ZNF124: variants seen among roughly 807,000 people sequenced by gnomAD.
ZNF124 encodes zinc finger protein HZF-16.
Under a neutral mutation model 26.6 loss-of-function variants are expected in ZNF124, and 25 were observed. The ratio of observed to expected loss-of-function variants is 0.94; its 90% CI spans 0.68 to 1.31. The LOEUF (loss-of-function observed/expected upper bound fraction) is 1.31, where lower values mean the gene tolerates loss of function less well. ZNF124 is among the 40% of genes most tolerant of loss of function. The probability of loss-of-function intolerance (pLI) is 0.00; values close to 1 mark genes in which losing one functional copy is unlikely to be tolerated. For synonymous variants in ZNF124, 129 were observed against 133.3 expected, an observed-to-expected ratio of 0.97 and a Z score of 0.22; for missense variants, 444 against 422.2, an observed-to-expected ratio of 1.05 and a Z score of -0.45.
At chr1:247,143,591 T>C (rs1672684099) in intron 3 of ZNF124, among the ~76,000 whole-genome samples, 1 of 152,176 alleles carries the variant, frequency 6.6e-6, no homozygotes, top group Non-Finnish European at 1.5e-5. Flanking sequence ...TCCACCAGCT[T>C]CTCTAGAAGT....
chr1:247,128,051 C>T (rs61854860), intron 3 of ZNF124, among the ~76,000 whole-genome samples: 7,383 of 152,246 alleles, frequency 0.048, 275 homozygotes, highest in Middle Eastern at 0.12. Flanking sequence ...CAGTAAAATT[C>T]TGAATTTCCA....
At chr1:247,152,397 AAAAAG>A (rs1672972032), downstream of ZNF124, among the ~76,000 whole-genome samples, 1 of 151,566 alleles carries the variant, frequency 6.6e-6, no homozygotes, top group African/African-American at 2.4e-5. Flanking sequence ...TACAAAAGAT[AAAAAG>A]AAAACAGAGT....
At position 247,157,056 on chromosome 1, in the gene ZNF124, C is replaced by A; in HGVS notation, c.566G>T (p.Arg189Leu). 6.2e-7 allele frequency: 1 copy of A among 1,612,660 alleles called. No homozygotes were observed. Among genetic ancestry groups the A allele is most frequent in the Non-Finnish European group, 8.5e-7 (1 of 1,179,640 alleles). Residue 189 changes from arginine to leucine, a missense_variant, in exon 4 of 4, where the codon CGT (arginine) becomes CTT (leucine). Transcript: ENST00000543802. ...ECKQCGKAFS[R>L]SSHLRDHERT... ...TTCATGGTCACGAAGGTGACTGGAA[C>A]GACTGAAGGCTTTCCCACATTGCTT...
At chr1:247,161,976 T>C (rs1205108264) in intron 1 of ZNF124, among the ~76,000 whole-genome samples, 1 of 152,198 alleles carries the variant, frequency 6.6e-6, no homozygotes, top group Non-Finnish European at 1.5e-5. Flanking sequence ...TCAGAGTTTA[T>C]ATTCAGCATT....
At position 247,168,164 on chromosome 1, in the gene ZNF124, A is replaced by G. The variant is rs1458104316; in HGVS notation, c.30+3684T>C. Among the ~76,000 whole-genome samples the G allele has an allele frequency of 6.6e-6, 1 of 151,650 alleles. No individual in the cohort carries two copies. Among genetic ancestry groups the G allele is most frequent in the Admixed American group, 6.6e-5 (1 of 15,166 alleles). On this transcript the variant is annotated intron_variant, in intron 1 of 3. Transcript: ENST00000543802. The surrounding 1 kb of genome is among the most constrained non-coding windows in gnomAD (Gnocchi z 4.0). ...AGTATGAAGATTCCTTAAAGAACTA[A>G]AAGTAGAACTACCATTCAATCCAGC...
chr1:247,171,005 T>C (rs2103144452), intron 1 of ZNF124, among the ~76,000 whole-genome samples: 2 of 64,216 alleles, frequency 3.1e-5, no homozygotes, highest in Middle Eastern at 0.013. Flanking sequence ...GTGATGATGG[T>C]GCCCTGAGTT....
chr1:247,172,359 T>G (rs1004225144), upstream of ZNF124, among the ~76,000 whole-genome samples: 2 of 152,074 alleles, frequency 1.3e-5, no homozygotes, highest in African/African-American at 2.4e-5. Flanking sequence ...CTTATTAACC[T>G]TCATGGCCTC....
chr1:247,126,418 GTGT>G (rs1160864148), intron 3 of ZNF124, among the ~76,000 whole-genome samples: 2 of 38,306 alleles, frequency 5.2e-5, no homozygotes, highest in African/African-American at 2.4e-4. Context: ...CGGCTTCCGG[GTGT>G]GCCCGGCCTT....
At chr1:247,130,411 C>T (rs887101958) in intron 3 of ZNF124, among the ~76,000 whole-genome samples, 1 of 152,114 alleles carries the variant, frequency 6.6e-6, no homozygotes, top group East Asian at 1.9e-4. Context: ...CAGAAAAATA[C>T]GTTTTCACAA....
chr1:247,156,942 G>A lies in ZNF124; in HGVS notation c.680C>T (p.Thr227Ile), dbSNP rs923148297. The A allele has an allele frequency of 3.1e-6, 5 of 1,612,862 alleles. No homozygotes were observed. Among genetic ancestry groups the A allele is most frequent in the South Asian group, 2.2e-5 (2 of 91,008 alleles). Residue 227 changes from threonine (T) to isoleucine (I), a missense_variant, in exon 4 of 4, where the codon ACT becomes ATT. By Grantham distance (89) the Thr-to-Ile change is moderately conservative. Coordinates refer to ENST00000543802, the MANE Select transcript of ZNF124 (RefSeq NM_001297568.2). ...YSNCLHYHER[T>I]HTGEKPYVCM... ...CACATAAGGTTTCTCTCCAGTGTGA[G>A]TTCTTTCATGGTAATGAAGGCAATT...
At chr1:247,159,327 T>C (rs906452558) in intron 2 of ZNF124, among the ~76,000 whole-genome samples, 1 of 152,198 alleles carries the variant, frequency 6.6e-6, no homozygotes, top group African/African-American at 2.4e-5. Flanking sequence ...TAAAAGCAAG[T>C]TTAGCTCCCA....
At chr1:247,165,786 C>T (rs939088085) in intron 1 of ZNF124, among the ~76,000 whole-genome samples, 5 of 152,104 alleles carry the variant, frequency 3.3e-5, no homozygotes, top group Non-Finnish European at 7.4e-5. Flanking sequence ...GATATACAAA[C>T]ATGAGAAAAA....
chr1:247,149,005 A>G (rs1237924832), intron 3 of ZNF124, among the ~76,000 whole-genome samples: 1 of 152,146 alleles, frequency 6.6e-6, no homozygotes, highest in East Asian at 1.9e-4. Flanking sequence ...CCAGTGCTTT[A>G]ACATGTGTTT....
In ZNF124 at chr1:247,159,907, G is replaced by A. The variant is rs139489757; in HGVS notation, c.31-94C>T. On this transcript the variant is annotated intron_variant, in intron 1 of 3. Transcript: ENST00000543802. ...TAAGATGTTCATCTGATTCTGTGGC[G>A]AACATTTATTCTACTATTTGGTCAC... The A allele has an allele frequency of 5.9e-5, 86 of 1,445,782 alleles. 1 individual carries two copies. In the Middle Eastern group the frequency reaches 1.1e-3, roughly 19 times the overall value. The allele number at this position is 1,445,782 out of a possible 1,614,324, so 89.6% of individuals were successfully genotyped here. A position where few individuals can be genotyped will look rare whatever the true frequency, so the allele number is the denominator to read the frequency against.
rs951520658 is a variant in ZNF124 at position 247,157,266 on chromosome 1, T to C, written c.356A>G (p.Asn119Ser). The change falls in exon 4 of 4, where the codon AAT becomes AGT. Residue 119 changes from asparagine to serine, a missense_variant. Asn to Ser is a conservative substitution (Grantham distance 46). Coordinates refer to ENST00000543802, the MANE Select transcript of ZNF124 (RefSeq NM_001297568.2). ...VHRDTVMHTG[N>S]GHYGCTICEK... ...ACATATTGTACAACCATAATGTCCA[T>C]TTCCAGTGTGCATTACTGTGTCTCT... The C allele has an allele frequency of 6.2e-7, 1 of 1,612,688 alleles. No individual in the cohort carries two copies. The highest frequency in any genetic ancestry group is 1.7e-5 in the Admixed American group (1 of 59,828).
chr1:247,135,934 TTCTC>T (rs1480063192), intron 3 of ZNF124, among the ~76,000 whole-genome samples: 7 of 152,154 alleles, frequency 4.6e-5, no homozygotes, highest in African/African-American at 9.7e-5. Context: ...CACCACATGA[TTCTC>T]TCAATATATG....
rs1307215083 is a variant in ZNF124, at chr1:247,155,343, T to C, written c.*1223A>G. On this transcript the variant is annotated 3_prime_UTR_variant, in exon 4 of 4. Coordinates refer to ENST00000543802, the MANE Select transcript of ZNF124 (RefSeq NM_001297568.2). ...AAATACATTTCACACATCTACTGTG[T>C]AACCCACAAAATTTTTAAAAAATTT... is the stretch of plus-strand genomic sequence containing the variant. Among the ~76,000 whole-genome samples the C allele has an allele frequency of 6.6e-6, 1 of 152,028 alleles. No individual in the cohort carries two copies. Among genetic ancestry groups the C allele is most frequent in the Admixed American group, 6.6e-5 (1 of 15,258 alleles).
downstream of ZNF124, among the ~76,000 whole-genome samples, chr1:247,153,392 T>C (rs1163943889): frequency 1.3e-5 from 2 of 152,176 alleles, no homozygotes; most frequent in African/African-American, 4.8e-5. Context: ...AAGTCATTTG[T>C]CTAAATTCAG....
chr1:247,137,220 T>A (rs991077312), intron 3 of ZNF124, among the ~76,000 whole-genome samples: 2 of 151,622 alleles, frequency 1.3e-5, no homozygotes, highest in African/African-American at 4.9e-5. Flanking sequence ...TCTGATTCAG[T>A]AAATGGTGCT....
Sources: gnomAD v4.1 joint callset for allele counts (sites outside exome capture counted in the v4.1 genomes callset) on GRCh38, gnomAD v4.1.1 for gene constraint, Gnocchi (gnomAD v3.1) non-coding constraint, MANE v1.5 for transcripts, NCBI Gene and HGNC (gene_info 2026-07-23, HGNC 2026-07-21) for gene names.